Variants in GSPT1 observed in about 807,000 individuals in gnomAD.
GSPT1 encodes the protein G1 to S phase transition 1, also known as eukaryotic peptide chain release factor GTP-binding subunit ERF3A.
In GSPT1, 20 loss-of-function variants were observed where a neutral mutation model predicts 72.5. The ratio of observed to expected loss-of-function variants is 0.28; its 90% CI spans 0.19 to 0.40. GSPT1 has a LOEUF of 0.40. GSPT1 is among the 10% of genes least tolerant of loss of function. GSPT1 has a pLI of 1.00. For synonymous variants in GSPT1, 334 were observed against 293.5 expected, an observed-to-expected ratio of 1.14 and a Z score of -1.41; for missense variants, 580 against 811.9, an observed-to-expected ratio of 0.71 and a Z score of 3.47.
intron 5 of GSPT1, 40 bp downstream of exon 5, chr16:11,894,914 T>G: frequency 7.7e-7 from 1 of 1,306,586 alleles, no homozygotes; most frequent in Non-Finnish European, 1.1e-6. Flanking sequence ...ATTCATTACA[T>G]CAATTTAACT....
At chr16:11,889,575 TCGGCTCACCGCAACCTCCGCCTCC>T (rs917248255) in intron 6 of GSPT1, among the ~76,000 whole-genome samples, 3 of 151,826 alleles carry the variant, frequency 2.0e-5, no homozygotes, top group Non-Finnish European at 2.9e-5. Flanking sequence ...CAGCACCATC[TCGGCTCACCGCAACCTCCGCCTCC>T]CAGGTTCAAG....
chr16:11,902,116 C>T (rs1387101726), intron 1 of GSPT1, among the ~76,000 whole-genome samples: 2 of 148,102 alleles, frequency 1.4e-5, no homozygotes, highest in Admixed American at 6.8e-5. Flanking sequence ...GGCACGGTGG[C>T]TCATGCCTAT....
chr16:11,887,981 G>A (rs889578227), intron 6 of GSPT1, among the ~76,000 whole-genome samples: 5 of 151,744 alleles, frequency 3.3e-5, no homozygotes, highest in Non-Finnish European at 5.9e-5. Context: ...GACCAACATG[G>A]TGAAGCCCTG....
At chr16:11,874,148 A>C (rs1478494458) in intron 14 of GSPT1, among the ~76,000 whole-genome samples, 1 of 152,178 alleles carries the variant, frequency 6.6e-6, no homozygotes, top group Admixed American at 6.5e-5. Flanking sequence ...AACAGGTGTA[A>C]GGTTTCTTTT....
intron 11 of GSPT1, among the ~76,000 whole-genome samples, chr16:11,879,523 A>G (rs2054093845): frequency 6.6e-6 from 1 of 152,194 alleles, no homozygotes; most frequent in African/African-American, 2.4e-5. Context: ...TCACGAGGTC[A>G]GAAGTTCAAG....
intron 3 of GSPT1, among the ~76,000 whole-genome samples, chr16:11,897,446 G>A (rs2054354494): frequency 6.6e-6 from 1 of 152,156 alleles, no homozygotes; most frequent in African/African-American, 2.4e-5. Context: ...TTTGCCAGTT[G>A]TGGTGGTGTG....
chr16:11,906,166 C>G (rs2054486922), intron 1 of GSPT1, among the ~76,000 whole-genome samples: 1 of 152,108 alleles, frequency 6.6e-6, no homozygotes, highest in Non-Finnish European at 1.5e-5. Flanking sequence ...ACTGCAACCT[C>G]CACCTCCTGG....
chr16:11,901,959 G>A (rs1163032169), intron 1 of GSPT1, among the ~76,000 whole-genome samples: 2 of 151,804 alleles, frequency 1.3e-5, no homozygotes, highest in African/African-American at 4.8e-5. Context: ...TGCCGGGCAC[G>A]GTGTCTTGTG....
intron 1 of GSPT1, chr16:11,915,038 G>C: frequency 3.1e-6 from 4 of 1,290,752 alleles, no homozygotes; most frequent in Non-Finnish European, 4.0e-6. Context: ...TCGTGGCAGG[G>C]ATCCGCCGCG....
At chr16:11,909,840 G>A (rs1373274488) in intron 1 of GSPT1, among the ~76,000 whole-genome samples, 1 of 152,054 alleles carries the variant, frequency 6.6e-6, no homozygotes, top group Non-Finnish European at 1.5e-5. Flanking sequence ...CAGAACAATC[G>A]CTTGAACCTG....
intron 1 of GSPT1, among the ~76,000 whole-genome samples, chr16:11,898,441 CTTTTTTTTT>C (rs5815660): frequency 9.3e-6 from 1 of 107,074 alleles, no homozygotes; most frequent in Admixed American, 1.1e-4. Context: ...GTGATTAGCC[CTTTTTTTTT>C]TTTTTTTTTT....
intron 5 of GSPT1, among the ~76,000 whole-genome samples, chr16:11,893,340 C>A (rs2054293698): frequency 6.6e-6 from 1 of 151,920 alleles, no homozygotes; most frequent in South Asian, 2.1e-4. Context: ...TGTCCTGGCT[C>A]TTCTTGAAGC....
At chr16:11,911,867 T>C (rs2054562910) in intron 1 of GSPT1, among the ~76,000 whole-genome samples, 1 of 125,334 alleles carries the variant, frequency 8.0e-6, no homozygotes, top group Non-Finnish European at 1.7e-5. Context: ...TTTTTTTTTT[T>C]TTTTTTTTTT....
At chr16:11,911,869 T>C (rs1243585469) in intron 1 of GSPT1, among the ~76,000 whole-genome samples, 5 of 127,152 alleles carry the variant, frequency 3.9e-5, no homozygotes, top group Non-Finnish European at 8.4e-5. Flanking sequence ...TTTTTTTTTT[T>C]TTTTTTTTTT....
chr16:11,876,373 G>A (rs1055323865), intron 12 of GSPT1, among the ~76,000 whole-genome samples, 198 bp from the exon 13 acceptor site: 1 of 152,182 alleles, frequency 6.6e-6, no homozygotes, highest in African/African-American at 2.4e-5. Flanking sequence ...TGAACTCAAA[G>A]CATGAATTTC....
At chr16:11,913,279 C>A (rs1298646562) in intron 1 of GSPT1, among the ~76,000 whole-genome samples, 3 of 152,168 alleles carry the variant, frequency 2.0e-5, no homozygotes, top group African/African-American at 7.2e-5. Context: ...AAATAGACAT[C>A]CTACATAGGA....
At chr16:11,913,441 C>A (rs952995390) in intron 1 of GSPT1, among the ~76,000 whole-genome samples, 1 of 152,198 alleles carries the variant, frequency 6.6e-6, no homozygotes, top group African/African-American at 2.4e-5. Context: ...TTCGCATCTC[C>A]AATTTCTAGC....
intron 1 of GSPT1, among the ~76,000 whole-genome samples, chr16:11,912,364 A>C (rs977051242): frequency 1.4e-5 from 2 of 146,144 alleles, no homozygotes; most frequent in Admixed American, 6.8e-5. Flanking sequence ...AAAAAAAAAC[A>C]AAAAAAAAAC....
At chr16:11,885,748 C>T (rs867017853) in intron 9 of GSPT1, among the ~76,000 whole-genome samples, 3 of 151,952 alleles carry the variant, frequency 2.0e-5, no homozygotes, top group South Asian at 2.1e-4. Context: ...AAAAATCAGC[C>T]GGGTGCGGTG....
Sources: allele counts gnomAD v4.1 joint callset (sites outside exome capture counted in the v4.1 genomes callset), GRCh38; gene constraint gnomAD v4.1.1; transcripts MANE v1.5; gene names NCBI Gene and HGNC (gene_info 2026-07-23, HGNC 2026-07-21).